PCDH7: variants seen among roughly 807,000 people sequenced by gnomAD.
PCDH7 encodes protocadherin-7.
Under a neutral mutation model 58.9 loss-of-function variants are expected in PCDH7, and 17 were observed. That is an observed-to-expected ratio of 0.29 (90% CI 0.20 to 0.43). PCDH7 has a LOEUF of 0.43. PCDH7 is among the 20% of genes least tolerant of loss of function. The probability of loss-of-function intolerance (pLI) is 1.00; values close to 1 mark genes in which losing one functional copy is unlikely to be tolerated. For missense variants in PCDH7, 1,274 were observed against 1,441.0 expected (o/e 0.88, Z 1.88); for synonymous variants, 664 against 616.4 (o/e 1.08, Z -1.14).
intron 1 of PCDH7, among the ~76,000 whole-genome samples, chr4:30,882,605 C>T (rs377391537): frequency 1.3e-5 from 2 of 152,102 alleles, no homozygotes; most frequent in African/African-American, 2.4e-5. Context: ...TTATTTTCTT[C>T]GTACCAGTTG....
At chr4:30,775,297 A>G (rs1374628757) in intron 1 of PCDH7, among the ~76,000 whole-genome samples, 2 of 152,178 alleles carry the variant, frequency 1.3e-5, no homozygotes, top group Non-Finnish European at 2.9e-5. Context: ...TTTTGAAAAG[A>G]TTAATTTCAG....
intron 1 of PCDH7, among the ~76,000 whole-genome samples, chr4:30,824,136 T>G (rs938058549): frequency 6.7e-6 from 1 of 148,858 alleles, no homozygotes; most frequent in African/African-American, 2.5e-5. Flanking sequence ...TCTTTCTTTC[T>G]TTCTTTCTTT....
At chr4:30,891,685 G>T (rs914890611) in intron 1 of PCDH7, among the ~76,000 whole-genome samples, 13 of 151,820 alleles carry the variant, frequency 8.6e-5, no homozygotes, top group African/African-American at 3.1e-4. Context: ...GCAGGGAAAT[G>T]ACCAAAGATC....
At chr4:30,990,274 T>C (rs1751359436) in intron 3 of PCDH7, among the ~76,000 whole-genome samples, 2 of 151,980 alleles carry the variant, frequency 1.3e-5, no homozygotes, top group South Asian at 4.1e-4. Context: ...TCTATGTATC[T>C]ACCTATATAT....
At chr4:31,141,720 C>T (rs568787285) in intron 3 of PCDH7, among the ~76,000 whole-genome samples, 1 of 152,134 alleles carries the variant, frequency 6.6e-6, no homozygotes, top group Non-Finnish European at 1.5e-5. Context: ...AGTTTAGTAA[C>T]TTACCCGTAT....
At chr4:30,785,453 T>C (rs1289711936) in intron 1 of PCDH7, among the ~76,000 whole-genome samples, 2 of 152,048 alleles carry the variant, frequency 1.3e-5, no homozygotes, top group Non-Finnish European at 2.9e-5. Context: ...TATTCCCATA[T>C]ATATTAATTT....
intron 1 of PCDH7, among the ~76,000 whole-genome samples, chr4:30,817,697 G>T (rs1727871609): frequency 1.3e-5 from 2 of 151,470 alleles, no homozygotes; most frequent in Admixed American, 1.3e-4. Flanking sequence ...GGCTTTTGTT[G>T]TGGTTTCAGA....
intron 3 of PCDH7, among the ~76,000 whole-genome samples, chr4:31,035,442 C>G (rs1176182422): frequency 6.6e-6 from 1 of 152,014 alleles, no homozygotes; most frequent in Non-Finnish European, 1.5e-5. Context: ...TTAGTAGAGA[C>G]GAGGTTTCAC....
chr4:31,025,022 C>T (rs1010122661), intron 3 of PCDH7, among the ~76,000 whole-genome samples: 1 of 152,162 alleles, frequency 6.6e-6, no homozygotes, highest in African/African-American at 2.4e-5. Flanking sequence ...GCGTTTCAGG[C>T]GTGAGCCACT....
chr4:30,757,283 T>C (rs28587843), intron 1 of PCDH7, among the ~76,000 whole-genome samples: 31,694 of 152,176 alleles, frequency 0.21, 3,717 homozygotes, highest in African/African-American at 0.3. Context: ...CATGATGCCC[T>C]AAGAGTTATT....
intron 3 of PCDH7, among the ~76,000 whole-genome samples, chr4:30,966,851 G>T (rs184433128): frequency 6.6e-6 from 1 of 152,182 alleles, no homozygotes; most frequent in African/African-American, 2.4e-5. Context: ...TATTATTCTT[G>T]TGAGAGAACA....
chr4:30,845,274 G>T (rs1251873738), intron 1 of PCDH7, among the ~76,000 whole-genome samples: 1 of 152,118 alleles, frequency 6.6e-6, no homozygotes, highest in Non-Finnish European at 1.5e-5. Context: ...CTTTTCAGAT[G>T]TTGTATTTGA....
In PCDH7 at chr4:30,815,585, A is replaced by C. The variant is rs117425589; in HGVS notation, c.70+90989A>C. Among the ~76,000 whole-genome samples, 4 of 152,294 alleles carry C rather than the reference A, an allele frequency of 2.6e-5. No homozygotes were observed. In the East Asian group the frequency reaches 7.7e-4, roughly 29 times the overall value. ...CCTGCCAGCTTTGGGGAGAGGACGC[A>C]TGCGCGGTGTGTTTACTGACGTTGA... On this transcript the variant is annotated intron_variant, in intron 1 of 3. Coordinates refer to the PCDH7 transcript ENST00000509759.
chr4:31,129,561 T>C (rs1718715161), intron 3 of PCDH7, among the ~76,000 whole-genome samples: 1 of 152,160 alleles, frequency 6.6e-6, no homozygotes, highest in Non-Finnish European at 1.5e-5. Flanking sequence ...AGTTTTAAAC[T>C]AGGAACAGAC....
At chr4:31,053,591 T>C (rs1224319267) in intron 3 of PCDH7, among the ~76,000 whole-genome samples, 1 of 152,004 alleles carries the variant, frequency 6.6e-6, no homozygotes, top group African/African-American at 2.4e-5. Context: ...AAATAAAAAA[T>C]AAAAAATCAG....
At chr4:30,989,151 T>C (rs1180879354) in intron 3 of PCDH7, among the ~76,000 whole-genome samples, 1 of 152,106 alleles carries the variant, frequency 6.6e-6, no homozygotes, top group Non-Finnish European at 1.5e-5. Flanking sequence ...TCACAGTTTT[T>C]TTTTTCCAGA....
intron 1 of PCDH7, among the ~76,000 whole-genome samples, chr4:30,914,382 G>T (rs928203662): frequency 2.0e-4 from 30 of 152,122 alleles, no homozygotes; most frequent in Admixed American, 7.2e-4. Flanking sequence ...AAAGTCTCTA[G>T]TATGTCATAA....
chr4:31,098,727 T>C (rs1462186188), intron 3 of PCDH7, among the ~76,000 whole-genome samples: 1 of 152,192 alleles, frequency 6.6e-6, no homozygotes, highest in Admixed American at 6.5e-5. Flanking sequence ...ATAGATTAAC[T>C]AGATATGTAC....
At chr4:30,769,757 A>G (rs1189760873) in intron 1 of PCDH7, among the ~76,000 whole-genome samples, 1 of 152,186 alleles carries the variant, frequency 6.6e-6, no homozygotes, top group Non-Finnish European at 1.5e-5. Flanking sequence ...TATCTTACAT[A>G]ATTCTTTAAG....
Sources: gnomAD v4.1 joint callset for allele counts (sites outside exome capture counted in the v4.1 genomes callset) on GRCh38, gnomAD v4.1.1 for gene constraint, MANE v1.5 for transcripts, NCBI Gene and HGNC (gene_info 2026-07-23, HGNC 2026-07-21) for gene names.